The following NBR1 variants were observed in gnomAD, a reference collection of about 807,000 sequenced individuals.
NBR1 encodes the protein NBR1 autophagy cargo receptor, also known as next to BRCA1 gene 1 protein.
In NBR1, 59 loss-of-function variants were observed where a neutral mutation model predicts 115.5. That is an observed-to-expected ratio of 0.51 (90% CI 0.41 to 0.63). The LOEUF is 0.63. Ranked by LOEUF, NBR1 falls within the 30% of genes least tolerant of loss-of-function variation. NBR1 has a pLI of 0.00. For missense variants in NBR1, 1,043 were observed against 1,150.5 expected, an observed-to-expected ratio of 0.91 and a Z score of 1.35; for synonymous variants, 373 against 414.7, an observed-to-expected ratio of 0.90 and a Z score of 1.22.
rs367720161 is a variant in NBR1, at chr17:43,177,993, G to A, written c.160G>A (p.Glu54Lys). Reference sequence around the variant, plus strand: ...AATAAAATACCTGGATGAGGAAAATGAAGAGGTAAAATATATTATGGCACT... The same window carrying A: ...AATAAAATACCTGGATGAGGAAAATAAAGAGGTAAAATATATTATGGCACT... Reference protein sequence around the residue: ...IQIKYLDEENEEVSINSQGEY... With the variant: ...IQIKYLDEENKEVSINSQGEY... The change falls in exon 3 of 21, where the codon GAA becomes AAA. Residue 54 changes from glutamate to lysine, a missense_variant. Coordinates refer to ENST00000590996, the MANE Select transcript of NBR1 (RefSeq NM_005899.5). 3.2e-6 allele frequency: 5 copies of A among 1,571,458 alleles called. No individual in the cohort carries two copies. The highest frequency in any genetic ancestry group is 4.6e-5 in the East Asian group (2 of 43,708).
Position 43,194,387 on chromosome 17 carries a change from GTGAAGTGAC to G in NBR1, c.1566_1574del (p.Val523_Glu525del). ...CTGGCTAAAGAAGAAAGACAGCTTGGTGAAGTGACTGAGCAGACAGAAGGGACAGCAGCC... is the reference window on the plus strand; with the variant it reads ...CTGGCTAAAGAAGAAAGACAGCTTGGTGAGCAGACAGAAGGGACAGCAGCC... On this transcript the variant is annotated inframe_deletion, in exon 13 of 21. Transcript: ENST00000590996. 6.2e-7 allele frequency: 1 copy of G among 1,613,864 alleles called. No individual in the cohort carries two copies. Among genetic ancestry groups the G allele is most frequent in the Non-Finnish European group, 8.5e-7 (1 of 1,179,836 alleles).
intron 8 of NBR1, 132 bp from the exon 9 acceptor site, chr17:43,190,477 G>A: frequency 1.1e-6 from 1 of 875,408 alleles, no homozygotes; most frequent in Non-Finnish European, 1.8e-6. Context: ...TTGAGGCATG[G>A]CATAGTCAGA....
At chr17:43,173,650 G>C (rs1163199064) in intron 1 of NBR1, among the ~76,000 whole-genome samples, 1 of 152,052 alleles carries the variant, frequency 6.6e-6, no homozygotes, top group Non-Finnish European at 1.5e-5. Context: ...TTTTTAATTT[G>C]ATCCTTATGG....
At chr17:43,177,841 GTTGT>G (rs1310670384) in intron 2 of NBR1, 91 bp from the exon 3 acceptor site, 110 of 1,114,012 alleles carry the variant, frequency 9.9e-5, no homozygotes, top group Non-Finnish European at 1.2e-4. Flanking sequence ...GGTTATTAAG[GTTGT>G]TTGTTGTTTG....
At chr17:43,209,636 G>C (rs1484775275) in intron 20 of NBR1, 2 of 1,535,408 alleles carry the variant, frequency 1.3e-6, no homozygotes, top group Admixed American at 2.0e-5. Flanking sequence ...GCATTCTCCT[G>C]GTTCTAAGTA....
rs765637178 is a variant in NBR1, at chr17:43,200,223, A to G, written c.2083A>G (p.Ile695Val). ...AAATGAGAAGGAGGAGATTATCCAT[A>G]TCGCTGAGGAAGAAGCTGTCATGGA... is the stretch of plus-strand genomic sequence containing the variant. Reference protein sequence around the residue: ...LGNEKEEIIHIAEEEAVMEEE... With the variant: ...LGNEKEEIIHVAEEEAVMEEE... Residue 695 changes from isoleucine (I) to valine (V), a missense_variant, in exon 17 of 21, where the codon ATC (isoleucine) becomes GTC (valine). By Grantham distance (29) the Ile-to-Val change is conservative. Transcript: ENST00000590996. 54 of 1,551,664 alleles carry G rather than the reference A, an allele frequency of 3.5e-5. No individual in the cohort carries two copies. The highest frequency in any genetic ancestry group is 3.1e-4 in the Admixed American group (16 of 50,974).
intron 20 of NBR1, among the ~76,000 whole-genome samples, chr17:43,206,810 T>G (rs1167856603): frequency 6.6e-6 from 1 of 150,894 alleles, no homozygotes; most frequent in Non-Finnish European, 1.5e-5. Context: ...CATCTGTAAT[T>G]TCAGCACTTT....
intron 1 of NBR1, among the ~76,000 whole-genome samples, chr17:43,172,899 C>T (rs538464160): frequency 1.4e-4 from 22 of 152,246 alleles, no homozygotes; most frequent in African/African-American, 5.1e-4. Context: ...GATCTTGGCT[C>T]ACTGCAAGCT....
At position 43,210,132 on chromosome 17, in the gene NBR1, T is replaced by C. The variant is rs1005802446; in HGVS notation, c.*58T>C. 9.2e-6 allele frequency: 14 copies of C among 1,521,800 alleles called. No homozygotes were observed. The highest frequency in any genetic ancestry group is 1.9e-4 in the Middle Eastern group (1 of 5,402). 94.3% of individuals were successfully genotyped at this position (1,521,800 alleles called of 1,614,324 possible). On this transcript the variant is annotated 3_prime_UTR_variant, in exon 21 of 21. Coordinates refer to ENST00000590996, the MANE Select transcript of NBR1 (RefSeq NM_005899.5). The stretch of plus-strand genomic sequence containing the variant: ...CTCAGAGATGATCTTTATTCTGTCA[T>C]TGGGGTATGGGATAGAAGCCCTTGC...
At chr17:43,173,133 T>C (rs1271891170) in intron 1 of NBR1, among the ~76,000 whole-genome samples, 1 of 152,016 alleles carries the variant, frequency 6.6e-6, no homozygotes, top group East Asian at 1.9e-4. Context: ...GCCCTATTAT[T>C]TTTTAAAATG....
chr17:43,207,782 C>T (rs1256784144), intron 20 of NBR1, among the ~76,000 whole-genome samples: 4 of 152,056 alleles, frequency 2.6e-5, no homozygotes, highest in Non-Finnish European at 5.9e-5. Context: ...TCCTTTTTTT[C>T]TCCCCAAATA....
At chr17:43,194,910 A>G (rs2057031713) in intron 13 of NBR1, 54 bp from the exon 14 acceptor site, 9 of 1,402,632 alleles carry the variant, frequency 6.4e-6, no homozygotes, top group Non-Finnish European at 9.0e-6. Flanking sequence ...AGGTCCCATC[A>G]AGACATGGCT....
chr17:43,198,879 C>T (rs372607257), intron 16 of NBR1, among the ~76,000 whole-genome samples: 14 of 152,122 alleles, frequency 9.2e-5, no homozygotes, highest in African/African-American at 3.4e-4. Flanking sequence ...AGGAGAATGG[C>T]GTGAACCTGG....
chr17:43,191,563 T>G lies in NBR1; in HGVS notation c.1055T>G (p.Leu352Arg). ...KSPLGRPESLLQSNTLMLPLQ... is the reference protein window; with the variant it reads ...KSPLGRPESLRQSNTLMLPLQ... Reference sequence around the variant, plus strand: ...CCTTTAGGCCGACCTGAGAGCTTGCTCCAGTCTAATACCCTGATGTAAGCC... The same window carrying G: ...CCTTTAGGCCGACCTGAGAGCTTGCGCCAGTCTAATACCCTGATGTAAGCC... Residue 352 changes from leucine to arginine, a missense_variant, in exon 10 of 21, where the codon CTC becomes CGC. Transcript: ENST00000590996. 6.2e-7 allele frequency: 1 copy of G among 1,611,858 alleles called. No individual in the cohort carries two copies. The highest frequency in any genetic ancestry group is 8.5e-7 in the Non-Finnish European group (1 of 1,178,948).
chr17:43,189,831 A>G, intron 8 of NBR1, 29 bp downstream of exon 8: 1 of 1,590,274 alleles, frequency 6.3e-7, no homozygotes, highest in Non-Finnish European at 8.6e-7. Flanking sequence ...GTAGCTAGCT[A>G]GTGATAGACC....
intron 16 of NBR1, among the ~76,000 whole-genome samples, chr17:43,197,481 T>G (rs1250440531): frequency 6.6e-6 from 1 of 150,972 alleles, no homozygotes; most frequent in Non-Finnish European, 1.5e-5. Flanking sequence ...ATTGCGCCAC[T>G]GCACTCTAGC....
intron 20 of NBR1, among the ~76,000 whole-genome samples, chr17:43,205,515 G>T (rs1484370195): frequency 6.6e-6 from 1 of 152,156 alleles, no homozygotes; most frequent in East Asian, 1.9e-4. Context: ...TGTAGACAGT[G>T]TAGCCAGTAA....
At chr17:43,200,820 T>G (rs1203201105) in intron 17 of NBR1, among the ~76,000 whole-genome samples, 2 of 152,078 alleles carry the variant, frequency 1.3e-5, no homozygotes, top group Admixed American at 6.6e-5. Context: ...TTAAATTATC[T>G]GAGTATAGTC....
chr17:43,184,214 G>A (rs1018365194), intron 5 of NBR1, among the ~76,000 whole-genome samples: 7 of 150,574 alleles, frequency 4.6e-5, no homozygotes, highest in East Asian at 2.0e-4. Flanking sequence ...ACCATGCTCC[G>A]ATGATTTTTA....
Sources: gnomAD v4.1 joint callset for allele counts (sites outside exome capture counted in the v4.1 genomes callset) on GRCh38, gnomAD v4.1.1 for gene constraint, MANE v1.5 for transcripts, NCBI Gene and HGNC (gene_info 2026-07-23, HGNC 2026-07-21) for gene names.